The following FCMR variants were observed in gnomAD, a reference collection of about 807,000 sequenced individuals.
The protein encoded by FCMR is immunoglobulin mu Fc receptor.
A neutral mutation model predicts 41.6 loss-of-function variants in FCMR; 34 were observed. The ratio of observed to expected loss-of-function variants is 0.82; its 90% CI spans 0.62 to 1.09. FCMR has a LOEUF of 1.09. Among genes scored for constraint, FCMR ranks in the 50% least tolerant of loss-of-function variants. The pLI is 0.00. For synonymous variants in FCMR, 209 were observed against 211.8 expected (o/e 0.99, Z 0.12); for missense variants, 496 against 512.5 (o/e 0.97, Z 0.31).
In FCMR at chr1:206,903,623, A is replaced by G. The variant is rs1422641258; in HGVS notation, c.*1396T>C. On this transcript the variant is annotated 3_prime_UTR_variant, in exon 8 of 8. Coordinates refer to ENST00000367091, the MANE Select transcript of FCMR (RefSeq NM_005449.5). ...CATCTGTTTGAAAAGTAAACGATAAAATGTGGATTAAAGTGCCCAGCACAA... is the reference window on the plus strand; with the variant it reads ...CATCTGTTTGAAAAGTAAACGATAAGATGTGGATTAAAGTGCCCAGCACAA... The G allele has an allele frequency of 6.5e-6, 1 of 152,846 alleles. No homozygotes were observed. The highest frequency in any genetic ancestry group is 2.4e-5 in the African/African-American group (1 of 41,418). The allele number at this position is 152,846 out of a possible 1,614,324, so 9.5% of individuals were successfully genotyped here.
intron 7 of FCMR, chr1:206,908,226 C>T (rs1231627671): frequency 2.9e-6 from 4 of 1,397,144 alleles, no homozygotes; most frequent in Middle Eastern, 1.8e-4. Flanking sequence ...GGCTCCTGGT[C>T]TGAGCCCAAT....
chr1:206,916,485 G>A (rs1479581962), intron 1 of FCMR, among the ~76,000 whole-genome samples: 2 of 152,214 alleles, frequency 1.3e-5, no homozygotes, highest in East Asian at 3.9e-4. Context: ...GGCCTCCCAG[G>A]GTTGAGCTTT....
rs3093438 is a variant in FCMR at position 206,903,865 on chromosome 1, A to T, written c.*1154T>A. On this transcript the variant is annotated 3_prime_UTR_variant, in exon 8 of 8. Coordinates refer to ENST00000367091, the MANE Select transcript of FCMR (RefSeq NM_005449.5). ...TGCTAATAAAAGACAACATAACTCA[A>T]GTCTGGCAGACTTTCTTCTCTATTT... is the stretch of plus-strand genomic sequence containing the variant. 12,076 of 152,386 alleles carry T rather than the reference A, an allele frequency of 0.079. 899 individuals carry two copies. Among genetic ancestry groups the T allele is most frequent in the African/African-American group, 0.18 (7,500 of 41,500 alleles). The allele number at this position is 152,386 out of a possible 1,614,324, so 9.4% of individuals were successfully genotyped here.
chr1:206,909,957 G>A lies in FCMR; in HGVS notation c.842-89C>T. On this transcript the variant is annotated intron_variant, in intron 5 of 7. Coordinates refer to ENST00000367091, the MANE Select transcript of FCMR (RefSeq NM_005449.5). This position sits in a 1 kb window ranked among gnomAD's most constrained non-coding sequence, Gnocchi z 5.0. Reference sequence around the variant, plus strand: ...AAACGAAAGGCTGCCTCCTCCCTCGGGCTTGGCAGTGTCTGACCTGGAGAT... The same window carrying A: ...AAACGAAAGGCTGCCTCCTCCCTCGAGCTTGGCAGTGTCTGACCTGGAGAT... The A allele has an allele frequency of 1.5e-6, 2 of 1,331,750 alleles. No homozygotes were observed. Among genetic ancestry groups the A allele is most frequent in the East Asian group, 3.1e-5 (1 of 32,120 alleles). 82.5% of individuals were successfully genotyped at this position (1,331,750 alleles called of 1,614,324 possible).
chr1:206,905,598 T>C (rs1678602874), intron 7 of FCMR, among the ~76,000 whole-genome samples: 1 of 152,080 alleles, frequency 6.6e-6, no homozygotes, highest in African/African-American at 2.4e-5. Flanking sequence ...GGGGGATGGA[T>C]GGTGAAGGGG....
At chr1:206,917,611 G>T (rs1679246494) in intron 1 of FCMR, among the ~76,000 whole-genome samples, 1 of 152,060 alleles carries the variant, frequency 6.6e-6, no homozygotes, top group Non-Finnish European at 1.5e-5. Context: ...CACATGTCCT[G>T]CTATTGCCCA....
chr1:206,917,970 A>G, intron 1 of FCMR: 1 of 374,248 alleles, frequency 2.7e-6, no homozygotes. Context: ...TTCACCTGCC[A>G]ACACACCTCT....
At chr1:206,919,494 G>T (rs1679342034) in intron 1 of FCMR, among the ~76,000 whole-genome samples, 1 of 152,324 alleles carries the variant, frequency 6.6e-6, no homozygotes, top group East Asian at 1.9e-4. Context: ...TACTCAGGAG[G>T]CTGAGGTGGG....
intron 2 of FCMR, 80 bp from the exon 3 acceptor site, chr1:206,913,122 A>ACTTTGGCTG: frequency 2.8e-6 from 3 of 1,082,556 alleles, no homozygotes; most frequent in Non-Finnish European, 4.3e-6. Flanking sequence ...TAATTCAGCC[A>ACTTTGGCTG]AAGTGGATGA....
upstream of FCMR, among the ~76,000 whole-genome samples, chr1:206,922,310 C>T (rs911286748): frequency 9.2e-5 from 14 of 152,208 alleles, no homozygotes; most frequent in African/African-American, 3.1e-4. Context: ...CTGAGAAAGG[C>T]TGTATGGGCA....
chr1:206,907,556 G>T, intron 7 of FCMR: 1 of 553,694 alleles, frequency 1.8e-6, no homozygotes. Context: ...GGAGTCTGCT[G>T]CATTAGCTTA....
rs140166670 is a variant in FCMR, at chr1:206,914,068, C to T, written c.64G>A (p.Glu22Lys). ...CCCAGCTCCCCCTCTACCTTTACTT[C>T]TGGGAGGATCCTCAGGGCCCCCGAT... Reference protein sequence around the residue: ...PVSGALRILPEVKVEGELGGS... With the variant: ...PVSGALRILPKVKVEGELGGS... Residue 22 changes from glutamate to lysine, a missense_variant, in exon 2 of 8, where the codon GAA (glutamate) becomes AAA (lysine). Transcript: ENST00000367091. The T allele has an allele frequency of 4.0e-5, 65 of 1,614,036 alleles. No individual in the cohort carries two copies. The African/African-American group carries it at 8.1e-4, about 20-fold the overall frequency.
chr1:206,910,462 G>A (rs1225684124), intron 4 of FCMR, 122 bp from the exon 5 acceptor site: 1 of 706,294 alleles, frequency 1.4e-6, no homozygotes, highest in Non-Finnish European at 2.1e-6. Flanking sequence ...TTTGTTAACA[G>A]AATTCACTCC....
At chr1:206,915,913 G>C (rs550786355) in intron 1 of FCMR, among the ~76,000 whole-genome samples, 2 of 149,746 alleles carry the variant, frequency 1.3e-5, no homozygotes, top group Non-Finnish European at 3.0e-5. Context: ...GAGGCTTTGG[G>C]ATAAAGACAC....
intron 1 of FCMR, among the ~76,000 whole-genome samples, chr1:206,914,408 TTTCCTTCCTTCC>T (rs139929593): frequency 6.9e-6 from 1 of 144,218 alleles, no homozygotes; most frequent in Admixed American, 6.8e-5. Context: ...TCTTTCTTTC[TTTCCTTCCTTCC>T]TTCCTTCCTT....
intron 7 of FCMR, chr1:206,907,638 T>C: frequency 2.6e-6 from 2 of 758,872 alleles, no homozygotes; most frequent in East Asian, 2.5e-5. Context: ...GTGCAGGTCC[T>C]GGTGCTTGAT....
At chr1:206,916,318 C>T (rs1303043789) in intron 1 of FCMR, among the ~76,000 whole-genome samples, 2 of 152,224 alleles carry the variant, frequency 1.3e-5, no homozygotes, top group Non-Finnish European at 2.9e-5. Context: ...AAGTTGAATG[C>T]CGAGGGTGGG....
chr1:206,904,893 G>A lies in FCMR; in HGVS notation c.*126C>T, dbSNP rs908661105. 1.9e-6 allele frequency: 2 copies of A among 1,030,164 alleles called. No homozygotes were observed. Among genetic ancestry groups the A allele is most frequent in the Non-Finnish European group, 3.0e-6 (2 of 671,138 alleles). The allele number at this position is 1,030,164 out of a possible 1,614,324, so 63.8% of individuals were successfully genotyped here. A position where few individuals can be genotyped will look rare whatever the true frequency, so the allele number is the denominator to read the frequency against. On this transcript the variant is annotated 3_prime_UTR_variant, in exon 8 of 8. Transcript: ENST00000367091. ...GCACAGATAGATGGGGATGGGAGTC[G>A]AGATGGGGCATGGGAAGTGATGAGG...
At position 206,912,865 on chromosome 1, in the gene FCMR, C is replaced by T. The variant is rs957778281; in HGVS notation, c.487+64G>A. ...TCTATGAACTGAACATAGACCCCCT[C>T]CTCCATTTTCACATTGCCACAGCAT... On this transcript the variant is annotated intron_variant, in intron 3 of 7. Transcript: ENST00000367091. 5 of 1,101,848 alleles carry T rather than the reference C, an allele frequency of 4.5e-6. No homozygotes were observed. The East Asian group carries it at 7.1e-5, about 16-fold the overall frequency. 68.3% of individuals were successfully genotyped at this position (1,101,848 alleles called of 1,614,324 possible). A position where few individuals can be genotyped will look rare whatever the true frequency, so the allele number is the denominator to read the frequency against.
Sources: allele counts gnomAD v4.1 joint callset (sites outside exome capture counted in the v4.1 genomes callset), GRCh38; gene constraint gnomAD v4.1.1; non-coding constraint Gnocchi (gnomAD v3.1); transcripts MANE v1.5; gene names NCBI Gene and HGNC (gene_info 2026-07-23, HGNC 2026-07-21).